Variants in XRCC4 observed in about 807,000 individuals in gnomAD.
XRCC4 encodes the protein DNA repair protein XRCC4.
XRCC4 carries 28 observed loss-of-function variants against 39.1 expected under a neutral mutation model. That is an observed-to-expected ratio of 0.72 (90% CI 0.53 to 0.98). The LOEUF is 0.98. Among genes scored for constraint, XRCC4 ranks in the 50% least tolerant of loss-of-function variants. The probability of loss-of-function intolerance (pLI) is 0.00; values close to 1 mark genes in which losing one functional copy is unlikely to be tolerated. For missense variants in XRCC4, 350 were observed against 376.4 expected (o/e 0.93, Z 0.58); for synonymous variants, 123 against 126.4 (o/e 0.97, Z 0.18).
intron 3 of XRCC4, among the ~76,000 whole-genome samples, chr5:83,140,339 G>A (rs927781893): frequency 6.6e-6 from 1 of 152,158 alleles, no homozygotes; most frequent in African/African-American, 2.4e-5. Flanking sequence ...CTCAAGGGCC[G>A]AAGAACCTGG....
intron 3 of XRCC4, among the ~76,000 whole-genome samples, chr5:83,167,227 G>C: frequency 9.0e-6 from 1 of 110,806 alleles, no homozygotes; most frequent in Non-Finnish European, 1.9e-5. Context: ...CAGTGATGTT[G>C]AGCTTTTTTT....
intron 7 of XRCC4, among the ~76,000 whole-genome samples, chr5:83,272,105 C>G (rs902500849): frequency 6.6e-6 from 1 of 152,142 alleles, no homozygotes; most frequent in African/African-American, 2.4e-5. Flanking sequence ...ACAATTAAAA[C>G]TCTATCACTA....
chr5:83,325,989 A>G (rs1756246796), intron 7 of XRCC4, among the ~76,000 whole-genome samples: 2 of 151,862 alleles, frequency 1.3e-5, no homozygotes, highest in Non-Finnish European at 2.9e-5. Context: ...TGACTTTTTA[A>G]TAGCCATTCT....
intron 3 of XRCC4, among the ~76,000 whole-genome samples, chr5:83,139,282 A>G (rs933822337): frequency 6.6e-6 from 1 of 152,118 alleles, no homozygotes; most frequent in East Asian, 1.9e-4. Flanking sequence ...TCAAGATTAG[A>G]TTGAGTTTAT....
intron 3 of XRCC4, among the ~76,000 whole-genome samples, chr5:83,185,873 C>T (rs1228772968): frequency 6.6e-6 from 1 of 152,072 alleles, no homozygotes; most frequent in East Asian, 1.9e-4. Flanking sequence ...TAATCACTTT[C>T]TTTGATAGGC....
At chr5:83,369,228 A>G in the XRCC4 span, among the ~76,000 whole-genome samples, 1 of 152,122 alleles carries the variant, frequency 6.6e-6, no homozygotes, top group East Asian at 1.9e-4. Context: ...AAGAGAAAGC[A>G]TTTTACTTTC....
At chr5:83,171,229 A>G (rs1749706958) in intron 3 of XRCC4, among the ~76,000 whole-genome samples, 1 of 152,086 alleles carries the variant, frequency 6.6e-6, no homozygotes, top group Admixed American at 6.6e-5. Flanking sequence ...TAAGTTTACA[A>G]TCTTTTCTTG....
intron 3 of XRCC4, among the ~76,000 whole-genome samples, chr5:83,131,979 T>C (rs947819753): frequency 2.0e-4 from 31 of 152,296 alleles, no homozygotes; most frequent in Non-Finnish European, 3.2e-4. Flanking sequence ...TTAGCATCGA[T>C]GGTCTTTACA....
intron 6 of XRCC4, among the ~76,000 whole-genome samples, chr5:83,242,789 T>C (rs1484832439): frequency 6.6e-6 from 1 of 152,222 alleles, no homozygotes; most frequent in Non-Finnish European, 1.5e-5. Context: ...CTAGCACTTG[T>C]ATAACAACTA....
At chr5:83,082,173 C>T (rs1039563706) in intron 1 of XRCC4, among the ~76,000 whole-genome samples, 1 of 152,188 alleles carries the variant, frequency 6.6e-6, no homozygotes, top group Non-Finnish European at 1.5e-5. Context: ...TCTGTTCTCT[C>T]TGCTTTTTTC....
At chr5:83,185,603 TAAG>T (rs1263919953) in intron 3 of XRCC4, among the ~76,000 whole-genome samples, 1 of 151,768 alleles carries the variant, frequency 6.6e-6, no homozygotes. Context: ...AAAAAAGAAT[TAAG>T]AGATGGAGTT....
intron 6 of XRCC4, among the ~76,000 whole-genome samples, chr5:83,212,941 A>C (rs1197344192): frequency 6.7e-6 from 1 of 148,374 alleles, no homozygotes; most frequent in Non-Finnish European, 1.5e-5. Flanking sequence ...AAAAAAAAAA[A>C]CACCAAAATA....
intron 7 of XRCC4, among the ~76,000 whole-genome samples, chr5:83,316,524 G>T (rs563637749): frequency 0.019 from 2,800 of 149,500 alleles, 81 homozygotes; most frequent in African/African-American, 0.065. Flanking sequence ...CAAGCCAATG[G>T]AAAACAAAAA....
At chr5:83,264,654 G>A (rs535317530) in intron 7 of XRCC4, among the ~76,000 whole-genome samples, 1 of 152,014 alleles carries the variant, frequency 6.6e-6, no homozygotes, top group African/African-American at 2.4e-5. Context: ...CTGGTACTCT[G>A]TGTCGTTGCA....
Position 83,290,179 on chromosome 5 carries a change from TA to T in XRCC4, c.893+31509del, listed in dbSNP as rs201261836. 1.9e-3 allele frequency among the ~76,000 whole-genome samples: 289 copies of T among 151,872 alleles called. 6 individuals carry two copies. Among genetic ancestry groups the T allele is most frequent in the East Asian group, 5.8e-4 (3 of 5,164 alleles). ...TGCAACCTCAGTTATCTAATTGGTA[TA>T]AAAAAAGTAATTGACTTTCAGTTTG... is the stretch of plus-strand genomic sequence containing the variant. On this transcript the variant is annotated intron_variant, in intron 7 of 7. Transcript: ENST00000396027.
At chr5:83,158,025 C>G (rs1749042335) in intron 3 of XRCC4, among the ~76,000 whole-genome samples, 1 of 152,024 alleles carries the variant, frequency 6.6e-6, no homozygotes, top group African/African-American at 2.4e-5. Flanking sequence ...GTAATATTTA[C>G]TCAAATGCAA....
chr5:83,165,887 CTTT>C (rs34887034), intron 3 of XRCC4, among the ~76,000 whole-genome samples: 60 of 125,812 alleles, frequency 4.8e-4, no homozygotes, highest in East Asian at 1.1e-3. Flanking sequence ...TTTTTTCTTT[CTTT>C]TTTTTTTTTT....
intron 3 of XRCC4, among the ~76,000 whole-genome samples, chr5:83,122,370 A>G (rs1317290852): frequency 6.6e-6 from 1 of 152,110 alleles, no homozygotes; most frequent in African/African-American, 2.4e-5. Context: ...ACTTGGCAAT[A>G]TCTGAAGACA....
intron 1 of XRCC4, among the ~76,000 whole-genome samples, chr5:83,093,392 T>C (rs916849893): frequency 6.6e-6 from 1 of 152,222 alleles, no homozygotes; most frequent in African/African-American, 2.4e-5. Flanking sequence ...CTTTCAATAA[T>C]GGACAGATAA....
Sources: allele counts gnomAD v4.1 joint callset (sites outside exome capture counted in the v4.1 genomes callset), GRCh38; gene constraint gnomAD v4.1.1; transcripts MANE v1.5; gene names NCBI Gene and HGNC (gene_info 2026-07-23, HGNC 2026-07-21).